Variants in MEF2D observed in about 807,000 individuals in gnomAD.
MEF2D encodes the protein myocyte enhancer factor 2D, also known as myocyte-specific enhancer factor 2D.
A neutral mutation model predicts 59.3 loss-of-function variants in MEF2D; 10 were observed. The observed-to-expected ratio is 0.17, with a 90% confidence interval of 0.10 to 0.29. The LOEUF (loss-of-function observed/expected upper bound fraction) is 0.29, where lower values mean the gene tolerates loss of function less well. MEF2D is among the 10% of genes least tolerant of loss of function. The pLI, the probability that MEF2D is intolerant of heterozygous loss-of-function variation, is 1.00. For missense variants in MEF2D, 508 were observed against 699.4 expected (o/e 0.73, Z 3.09); for synonymous variants, 305 against 295.0 (o/e 1.03, Z -0.35).
rs1571208955 is a variant in MEF2D at position 156,466,973 on chromosome 1, G to A, written c.*672C>T. 1.3e-5 allele frequency: 2 copies of A among 152,692 alleles called. No individual in the cohort carries two copies. The highest frequency in any genetic ancestry group is 3.9e-4 in the East Asian group (2 of 5,178). The allele number at this position is 152,692 out of a possible 1,614,324, so 9.5% of individuals were successfully genotyped here. On this transcript the variant is annotated 3_prime_UTR_variant, in exon 12 of 12. Transcript: ENST00000348159. ...TCCCAGGCTGCCTTCCCGGCCCAAA[G>A]CTCAGCCAGCACCCACACACCTTGG...
rs1177625625 is a variant in MEF2D at position 156,463,988 on chromosome 1, C to G, written c.*3657G>C. ...ATTGTCAGGTGTGGGGGTGGGGCAC[C>G]TCCATGGCCCATCCTGCCCCTCCCT... On this transcript the variant is annotated 3_prime_UTR_variant, in exon 12 of 12. Coordinates refer to ENST00000348159, the MANE Select transcript of MEF2D (RefSeq NM_005920.4). The G allele has an allele frequency of 6.6e-6, 1 of 152,612 alleles. No homozygotes were observed. The highest frequency in any genetic ancestry group is 1.9e-4 in the East Asian group (1 of 5,190). The allele number at this position is 152,612 out of a possible 1,614,324, so 9.5% of individuals were successfully genotyped here. A position where few individuals can be genotyped will look rare whatever the true frequency, so the allele number is the denominator to read the frequency against.
At position 156,468,007 on chromosome 1, in the gene MEF2D, G is replaced by T. The variant is rs762225408; in HGVS notation, c.1540C>A (p.Arg514=). The T allele has an allele frequency of 1.9e-6, 3 of 1,612,516 alleles. No homozygotes were observed. The highest frequency in any genetic ancestry group is 1.7e-5 in the Admixed American group (1 of 59,918). Residue 514 remains arginine, a synonymous_variant, in exon 11 of 12, where the codon CGG becomes AGG. Transcript: ENST00000348159. The surrounding 1 kb of genome is among the most constrained non-coding windows in gnomAD (Gnocchi z 4.3). ...EAEGSAVKRM[R]LDTWTLK Reference sequence around the variant, plus strand: ...TGCTACAGTACCCAGGTATCAAGCCGCATCCTCTTCACAGCTGAGCCCTCA... The same window carrying T: ...TGCTACAGTACCCAGGTATCAAGCCTCATCCTCTTCACAGCTGAGCCCTCA...
At position 156,474,749 on chromosome 1, in the gene MEF2D, G is replaced by A. The variant is rs184749154; in HGVS notation, c.1006+359C>T. Among the ~76,000 whole-genome samples the A allele has an allele frequency of 1.6e-3, 245 of 152,228 alleles. 1 individual carries two copies. The highest frequency in any genetic ancestry group is 2.6e-3 in the Non-Finnish European group (175 of 68,006). On this transcript the variant is annotated intron_variant, in intron 9 of 11. Transcript: ENST00000348159. ...CACTTGAGCCCAGGAGTTCAAGGCT[G>A]TAGTGAGCTAGGATGGCACCACTGT... is the stretch of plus-strand genomic sequence containing the variant.
At chr1:156,497,747 C>A (rs1255667464) in intron 1 of MEF2D, among the ~76,000 whole-genome samples, 1 of 152,132 alleles carries the variant, frequency 6.6e-6, no homozygotes, top group Admixed American at 6.6e-5. Context: ...AGTGTCCAAC[C>A]AAGGGCCCAC....
intron 4 of MEF2D, 66 bp downstream of exon 4, chr1:156,480,768 T>C: frequency 6.3e-7 from 1 of 1,599,460 alleles, no homozygotes; most frequent in African/African-American, 1.3e-5. Context: ...CTGTGCTTCT[T>C]GTGCAGCGCC....
chr1:156,487,302 C>T (rs1017949213), intron 1 of MEF2D, among the ~76,000 whole-genome samples: 7 of 152,190 alleles, frequency 4.6e-5, no homozygotes, highest in African/African-American at 1.7e-4. Flanking sequence ...AAAGACTAGG[C>T]CCCATCTATC....
At chr1:156,488,875 C>T (rs375089768) in intron 1 of MEF2D, among the ~76,000 whole-genome samples, 1 of 152,110 alleles carries the variant, frequency 6.6e-6, no homozygotes, top group East Asian at 1.9e-4. Flanking sequence ...AATTCCTTTC[C>T]GATAGCCAGC....
chr1:156,465,147 G>C lies in MEF2D; in HGVS notation c.*2498C>G, dbSNP rs959750743. 5.3e-5 allele frequency: 8 copies of C among 152,378 alleles called. No individual in the cohort carries two copies. Among genetic ancestry groups the C allele is most frequent in the African/African-American group, 1.9e-4 (8 of 41,470 alleles). The allele number at this position is 152,378 out of a possible 1,614,324, so 9.4% of individuals were successfully genotyped here. ...CAGGAGAGGTGGGAAGGCTGGACGT[G>C]CTGTCCCCACCCAGTCAGCGGATTG... On this transcript the variant is annotated 3_prime_UTR_variant, in exon 12 of 12. Coordinates refer to ENST00000348159, the MANE Select transcript of MEF2D (RefSeq NM_005920.4).
chr1:156,470,358 G>A (rs1455410266), intron 9 of MEF2D, among the ~76,000 whole-genome samples: 1 of 151,522 alleles, frequency 6.6e-6, no homozygotes, highest in Non-Finnish European at 1.5e-5. Context: ...GGTGGAGGCT[G>A]CAATGAGTGG....
At chr1:156,476,620 G>A (rs757927405) in intron 7 of MEF2D, 106 bp from the exon 8 acceptor site, 53 of 1,422,620 alleles carry the variant, frequency 3.7e-5, no homozygotes, top group Non-Finnish European at 4.8e-5. Flanking sequence ...ATAAGAGTAG[G>A]GTGGCTCTAC....
intron 1 of MEF2D, among the ~76,000 whole-genome samples, chr1:156,488,876 G>C (rs773621516): frequency 6.6e-6 from 1 of 152,154 alleles, no homozygotes; most frequent in Non-Finnish European, 1.5e-5. Flanking sequence ...ATTCCTTTCC[G>C]ATAGCCAGCC....
chr1:156,489,644 A>G (rs1672623574), intron 1 of MEF2D, among the ~76,000 whole-genome samples: 2 of 152,060 alleles, frequency 1.3e-5, no homozygotes, highest in Non-Finnish European at 2.9e-5. Context: ...ACTCAACAGG[A>G]CACCATCCCT....
At position 156,500,755 on chromosome 1, in the gene MEF2D, T is replaced by C. The variant is rs1414609137; in HGVS notation, c.-408A>G. 6.6e-6 allele frequency: 1 copy of C among 152,082 alleles called. No individual in the cohort carries two copies. Among genetic ancestry groups the C allele is most frequent in the East Asian group, 1.9e-4 (1 of 5,170 alleles). 9.4% of individuals were successfully genotyped at this position (152,082 alleles called of 1,614,324 possible). On this transcript the variant is annotated 5_prime_UTR_variant, in exon 1 of 12. Transcript: ENST00000348159. The stretch of plus-strand genomic sequence containing the variant: ...GTTGATATTTTGCTTCCTTCCTCCT[T>C]TCGGGCTCCAAAGGTAACTCCTCCA...
intron 1 of MEF2D, among the ~76,000 whole-genome samples, chr1:156,485,674 C>T (rs559245125): frequency 1.9e-3 from 295 of 151,460 alleles, no homozygotes; most frequent in African/African-American, 7.1e-3. Flanking sequence ...TGTATGCCAC[C>T]ACACCCAGGT....
At chr1:156,479,486 T>C in intron 5 of MEF2D, 100 bp downstream of exon 5, 1 of 1,499,334 alleles carries the variant, frequency 6.7e-7, no homozygotes, top group Non-Finnish European at 9.1e-7. Context: ...GGCGGAATGC[T>C]GTGGTGGGTG....
In MEF2D at chr1:156,468,184, G is replaced by C. The variant is rs1252495924; in HGVS notation, c.1363C>G (p.Pro455Ala). ...CGGGCAGCTGGGAACACAGCTGGAG[G>C]GGGAGGCGCAGGGCTGCGCTCACGG... ...PSRERSPAPPPPAVFPAARPE... is the reference protein window; with the variant it reads ...PSRERSPAPPAPAVFPAARPE... Residue 455 changes from proline (P) to alanine (A), a missense_variant, in exon 11 of 12, where the codon CCT becomes GCT. Pro to Ala is a conservative substitution (Grantham distance 27). Transcript: ENST00000348159. This position sits in a 1 kb window ranked among gnomAD's most constrained non-coding sequence, Gnocchi z 4.3. 4 of 1,613,866 alleles carry C rather than the reference G, an allele frequency of 2.5e-6. No homozygotes were observed. The South Asian group carries it at 4.4e-5, about 18-fold the overall frequency.
chr1:156,493,659 C>T (rs770943621), intron 1 of MEF2D, among the ~76,000 whole-genome samples: 1 of 152,178 alleles, frequency 6.6e-6, no homozygotes, highest in Non-Finnish European at 1.5e-5. Context: ...GGCTTCTCAC[C>T]CTTTCATGAG....
chr1:156,463,775 C>T lies in MEF2D; in HGVS notation c.*3870G>A, dbSNP rs1273641450. 1 of 152,436 alleles carries T rather than the reference C, an allele frequency of 6.6e-6. No individual in the cohort carries two copies. The highest frequency in any genetic ancestry group is 1.5e-5 in the Non-Finnish European group (1 of 68,036). The allele number at this position is 152,436 out of a possible 1,614,324, so 9.4% of individuals were successfully genotyped here. Reference sequence around the variant, plus strand: ...CTTTTAATAGTAAACCTCTTTACAACAAATATAGTGAAAGAGTTTTCAAAC... The same window carrying T: ...CTTTTAATAGTAAACCTCTTTACAATAAATATAGTGAAAGAGTTTTCAAAC... On this transcript the variant is annotated 3_prime_UTR_variant, in exon 12 of 12. Coordinates refer to ENST00000348159, the MANE Select transcript of MEF2D (RefSeq NM_005920.4).
intron 1 of MEF2D, among the ~76,000 whole-genome samples, chr1:156,498,079 T>C (rs575794657): frequency 8.4e-6 from 1 of 118,880 alleles, no homozygotes; most frequent in Admixed American, 1.1e-4. Flanking sequence ...TTCTCTTCCC[T>C]ATCACATCTC....
Sources: gnomAD v4.1 joint callset for allele counts (sites outside exome capture counted in the v4.1 genomes callset) on GRCh38, gnomAD v4.1.1 for gene constraint, Gnocchi (gnomAD v3.1) non-coding constraint, MANE v1.5 for transcripts, NCBI Gene and HGNC (gene_info 2026-07-23, HGNC 2026-07-21) for gene names.